MSMO1: variants seen among roughly 807,000 people sequenced by gnomAD.
MSMO1 encodes the protein methylsterol monooxygenase 1.
In MSMO1, 18 loss-of-function variants were observed where a neutral mutation model predicts 30.4. That is an observed-to-expected ratio of 0.59 (90% CI 0.41 to 0.88). MSMO1 has a LOEUF of 0.88. Ranked by LOEUF, MSMO1 falls within the 40% of genes least tolerant of loss-of-function variation. MSMO1 has a pLI of 0.00. For synonymous variants in MSMO1, 84 were observed against 107.9 expected, an observed-to-expected ratio of 0.78 and a Z score of 1.37; for missense variants, 284 against 340.5, an observed-to-expected ratio of 0.83 and a Z score of 1.31.
In MSMO1 at chr4:165,342,382, A is replaced by G. The variant is rs1136537; in HGVS notation, c.*436A>G. 14,953 of 154,260 alleles carry G rather than the reference A, an allele frequency of 0.097. 2,374 individuals carry two copies. Among genetic ancestry groups the G allele is most frequent in the African/African-American group, 0.33 (13,670 of 41,210 alleles). The allele number at this position is 154,260 out of a possible 1,614,324, so 9.6% of individuals were successfully genotyped here. On this transcript the variant is annotated 3_prime_UTR_variant, in exon 6 of 6. Transcript: ENST00000261507. Reference sequence around the variant, plus strand: ...TTTTTTTTTATTTTTTTTTTGAGACAAAGCCACACTCTGTCTCCTTGGCTG... The same window carrying G: ...TTTTTTTTTATTTTTTTTTTGAGACGAAGCCACACTCTGTCTCCTTGGCTG...
chr4:165,332,025 C>T (rs1219018233), intron 1 of MSMO1, among the ~76,000 whole-genome samples: 1 of 151,234 alleles, frequency 6.6e-6, no homozygotes, highest in Non-Finnish European at 1.5e-5. Flanking sequence ...CCTACCCCGC[C>T]GAGCTGTCTT....
At chr4:165,339,655 A>G (rs1747663692) in intron 4 of MSMO1, among the ~76,000 whole-genome samples, 1 of 152,194 alleles carries the variant, frequency 6.6e-6, no homozygotes, top group Non-Finnish European at 1.5e-5. Context: ...AGTATTATTT[A>G]TAAGTGTATG....
intron 2 of MSMO1, among the ~76,000 whole-genome samples, chr4:165,337,557 T>C (rs1490257915): frequency 6.6e-6 from 1 of 152,226 alleles, no homozygotes; most frequent in Non-Finnish European, 1.5e-5. Context: ...CCATAGTGTT[T>C]CTTAGTTTGT....
chr4:165,329,677 C>T (rs1019145108), intron 1 of MSMO1, among the ~76,000 whole-genome samples: 2 of 134,416 alleles, frequency 1.5e-5, no homozygotes, highest in Non-Finnish European at 3.1e-5. Context: ...CTCTGTCGCC[C>T]AGGCTGGAAT....
At chr4:165,341,413 G>A (rs1747711780) in intron 5 of MSMO1, among the ~76,000 whole-genome samples, 2 of 152,104 alleles carry the variant, frequency 1.3e-5, no homozygotes, top group Non-Finnish European at 2.9e-5. Context: ...TGTTATACAT[G>A]ATGGTGAGAA....
At position 165,341,873 on chromosome 4, in the gene MSMO1, G is replaced by C; in HGVS notation, c.809G>C (p.Arg270Pro). 2 of 1,613,352 alleles carry C rather than the reference G, an allele frequency of 1.2e-6. No homozygotes were observed. The highest frequency in any genetic ancestry group is 1.7e-6 in the Non-Finnish European group (2 of 1,179,490). ...GCTTCAACATTTACATGGTGGGATC[G>C]AATTTTTGGAACAGACTCTCAGTAT... ...NYASTFTWWD[R>P]IFGTDSQYNA... Residue 270 changes from arginine (R) to proline (P), a missense_variant, in exon 6 of 6, where the codon CGA becomes CCA. Transcript: ENST00000261507.
chr4:165,335,696 T>A (rs1747521063), intron 2 of MSMO1, among the ~76,000 whole-genome samples: 1 of 152,208 alleles, frequency 6.6e-6, no homozygotes, highest in Non-Finnish European at 1.5e-5. Context: ...CAAGGGTATA[T>A]GAGCAGCTTT....
At chr4:165,327,991 T>C (rs1001965639) in intron 1 of MSMO1, 3 of 152,300 alleles carry the variant, frequency 2.0e-5, no homozygotes, top group Admixed American at 6.5e-5. Flanking sequence ...TCTTAAGTGA[T>C]GGAACTAGGC....
chr4:165,341,728 A>T (rs1260391827), intron 5 of MSMO1, 23 bp from the exon 6 acceptor site: 1 of 1,561,028 alleles, frequency 6.4e-7, no homozygotes, highest in South Asian at 1.1e-5. Flanking sequence ...ATTCCTTAAT[A>T]ATCTTTATCA....
chr4:165,330,085 CCTT>C (rs1560845894), intron 1 of MSMO1, among the ~76,000 whole-genome samples: 1 of 151,906 alleles, frequency 6.6e-6, no homozygotes, highest in African/African-American at 2.4e-5. Flanking sequence ...GAATTATTCT[CCTT>C]GTACTCTAAT....
chr4:165,334,430 T>C (rs866418420), intron 2 of MSMO1, among the ~76,000 whole-genome samples: 1 of 152,258 alleles, frequency 6.6e-6, no homozygotes, highest in Non-Finnish European at 1.5e-5. Context: ...TATTTTGCAG[T>C]TCACCCCAAC....
chr4:165,338,658 T>A lies in MSMO1; in HGVS notation c.411T>A (p.Phe137Leu), dbSNP rs1747628562. 3 of 1,609,552 alleles carry A rather than the reference T, an allele frequency of 1.9e-6. No individual in the cohort carries two copies. Among genetic ancestry groups the A allele is most frequent in the Admixed American group, 3.3e-5 (2 of 59,992 alleles). ...YDWERMPRWY[F>L]LLARCFGCAV... The stretch of plus-strand genomic sequence containing the variant: ...CAACATTTTTATCTTAAAGGTATTT[T>A]CTTTTGGCAAGATGCTTTGGTTGTG... Residue 137 changes from phenylalanine (F) to leucine (L), a missense_variant, in exon 4 of 6, where the codon TTT becomes TTA. Phe to Leu is a conservative substitution (Grantham distance 22). Transcript: ENST00000261507.
chr4:165,341,932 A>G lies in MSMO1; in HGVS notation c.868A>G (p.Lys290Glu). ...TAATGAAAAGAGGAAGAAGTTTGAG[A>G]AAAAGACTGAATAAATATCTCACGT... The part of the protein sequence containing the change: ...AYNEKRKKFE[K>E]KTE The change falls in exon 6 of 6, where the codon AAA becomes GAA. Residue 290 changes from lysine (K) to glutamate (E), a missense_variant. Coordinates refer to ENST00000261507, the MANE Select transcript of MSMO1 (RefSeq NM_006745.5). 6.2e-7 allele frequency: 1 copy of G among 1,610,240 alleles called. No homozygotes were observed. The highest frequency in any genetic ancestry group is 8.5e-7 in the Non-Finnish European group (1 of 1,177,226).
At chr4:165,329,258 C>G (rs973498425) in intron 1 of MSMO1, among the ~76,000 whole-genome samples, 5 of 152,072 alleles carry the variant, frequency 3.3e-5, no homozygotes, top group Admixed American at 2.0e-4. Flanking sequence ...GACCCTCTCT[C>G]CCTCACTCTA....
At position 165,341,808 on chromosome 4, in the gene MSMO1, G is replaced by A. The variant is rs779223229; in HGVS notation, c.744G>A (p.Arg248=). ...LNLIPFYAGS[R]HHDFHHMNFI... ...TGATCCCTTTCTATGCTGGTTCTCG[G>A]CATCATGATTTCCACCACATGAACT... Residue 248 remains arginine, a synonymous_variant, in exon 6 of 6, where the codon CGG becomes CGA. Transcript: ENST00000261507. 79 of 1,613,398 alleles carry A rather than the reference G, an allele frequency of 4.9e-5. No individual in the cohort carries two copies. Among genetic ancestry groups the A allele is most frequent in the Non-Finnish European group, 6.6e-5 (78 of 1,179,714 alleles).
chr4:165,333,792 G>T (rs1747465731), intron 2 of MSMO1, among the ~76,000 whole-genome samples, 167 bp downstream of exon 2: 1 of 152,184 alleles, frequency 6.6e-6, no homozygotes, highest in Non-Finnish European at 1.5e-5. Flanking sequence ...AAGGTAAAAA[G>T]AAATAAGGAA....
In MSMO1 at chr4:165,340,362, A is replaced by G. The variant is rs145987291; in HGVS notation, c.673A>G (p.Ile225Val). 6.3e-5 allele frequency: 102 copies of G among 1,613,182 alleles called. 1 individual carries two copies. In the African/African-American group the frequency reaches 1.3e-3, roughly 20 times the overall value. Residue 225 changes from isoleucine to valine, a missense_variant, in exon 5 of 6, where the codon ATT (isoleucine) becomes GTT (valine). Physicochemically the swap from Ile to Val is conservative, Grantham distance 29. Transcript: ENST00000261507. ...AWVTIRLLET[I>V]DVHSGYDIPL... ...GGTGACCATTCGTTTATTAGAAACT[A>G]TTGATGTCCATAGGTGAGTATTAAT...
Position 165,342,007 on chromosome 4 carries a change from A to G in MSMO1, c.*61A>G. 2.9e-6 allele frequency: 4 copies of G among 1,362,344 alleles called. No individual in the cohort carries two copies. The South Asian group carries it at 3.6e-5, about 12-fold the overall frequency. 84.4% of individuals were successfully genotyped at this position (1,362,344 alleles called of 1,614,324 possible). A position where few individuals can be genotyped will look rare whatever the true frequency, so the allele number is the denominator to read the frequency against. ...TTCCTGAATTCAGAAACTAGTAGCT[A>G]ACATTGCTTCTGGAGAGCAGAAATA... On this transcript the variant is annotated 3_prime_UTR_variant, in exon 6 of 6. Transcript: ENST00000261507.
chr4:165,334,872 C>G (rs143847412), intron 2 of MSMO1, among the ~76,000 whole-genome samples: 1 of 152,156 alleles, frequency 6.6e-6, no homozygotes, highest in Non-Finnish European at 1.5e-5. Context: ...ACAATTGGCC[C>G]TCCATATCCA....
Sources: gnomAD v4.1 joint callset for allele counts (sites outside exome capture counted in the v4.1 genomes callset) on GRCh38, gnomAD v4.1.1 for gene constraint, MANE v1.5 for transcripts, NCBI Gene and HGNC (gene_info 2026-07-23, HGNC 2026-07-21) for gene names.